Variants in SGCZ observed in about 807,000 individuals in gnomAD.
SGCZ encodes the protein zeta-sarcoglycan.
In SGCZ, 40 loss-of-function variants were observed where a neutral mutation model predicts 41.3. The ratio of observed to expected loss-of-function variants is 0.97; its 90% CI spans 0.75 to 1.26. SGCZ has a LOEUF of 1.26. SGCZ is among the 50% of genes most tolerant of loss of function. The pLI, the probability that SGCZ is intolerant of heterozygous loss-of-function variation, is 0.00. For missense variants in SGCZ, 552 were observed against 369.8 expected, an observed-to-expected ratio of 1.49 and a Z score of -4.04; for synonymous variants, 206 against 137.5, an observed-to-expected ratio of 1.50 and a Z score of -3.49.
At chr8:15,101,217 A>G (rs1806599097) in intron 1 of SGCZ, among the ~76,000 whole-genome samples, 1 of 152,244 alleles carries the variant, frequency 6.6e-6, no homozygotes, top group Non-Finnish European at 1.5e-5. Context: ...CACCAAATGT[A>G]TAATCCATGA....
intron 4 of SGCZ, among the ~76,000 whole-genome samples, chr8:14,227,107 C>A (rs1806399544): frequency 1.3e-5 from 2 of 152,040 alleles, no homozygotes; most frequent in Non-Finnish European, 2.9e-5. Flanking sequence ...GAGGTGGAAT[C>A]ATAAGGACCT....
At chr8:15,019,166 C>T (rs941984486) in intron 1 of SGCZ, among the ~76,000 whole-genome samples, 7 of 152,154 alleles carry the variant, frequency 4.6e-5, no homozygotes, top group African/African-American at 1.7e-4. Flanking sequence ...GAAACAGATC[C>T]AAACCATATC....
At chr8:14,924,898 C>A (rs1390653080) in intron 1 of SGCZ, among the ~76,000 whole-genome samples, 1 of 149,232 alleles carries the variant, frequency 6.7e-6, no homozygotes, top group East Asian at 2.0e-4. Context: ...CACTGTGTCA[C>A]CCAGGCTGGA....
At chr8:14,132,575 A>G (rs1227265874) in intron 5 of SGCZ, among the ~76,000 whole-genome samples, 1 of 152,062 alleles carries the variant, frequency 6.6e-6, no homozygotes, top group Non-Finnish European at 1.5e-5. Flanking sequence ...TATTTACTTC[A>G]TGTTCCTTAG....
At chr8:14,263,731 G>C (rs986429878) in intron 3 of SGCZ, among the ~76,000 whole-genome samples, 30 of 152,066 alleles carry the variant, frequency 2.0e-4, no homozygotes, top group African/African-American at 7.0e-4. Flanking sequence ...TACCAGGTGA[G>C]AGGTCAAAGT....
intron 1 of SGCZ, among the ~76,000 whole-genome samples, chr8:14,629,310 C>G (rs1420826332): frequency 6.6e-6 from 1 of 151,032 alleles, no homozygotes; most frequent in Admixed American, 6.6e-5. Flanking sequence ...TATAGGTGAT[C>G]TTTTTAAAAA....
intron 1 of SGCZ, among the ~76,000 whole-genome samples, chr8:14,862,425 G>A (rs1231131358): frequency 1.3e-5 from 2 of 151,392 alleles, no homozygotes; most frequent in Non-Finnish European, 2.9e-5. Flanking sequence ...GTCACCATAT[G>A]CATGGTATAA....
At chr8:15,165,714 G>A (rs184504529) in intron 1 of SGCZ, among the ~76,000 whole-genome samples, 1 of 152,294 alleles carries the variant, frequency 6.6e-6, no homozygotes, top group Admixed American at 6.5e-5. Flanking sequence ...GTTATAAGAA[G>A]GTATGGAAAT....
intron 2 of SGCZ, among the ~76,000 whole-genome samples, chr8:14,334,076 T>A (rs1448971198): frequency 1.3e-5 from 2 of 152,076 alleles, no homozygotes; most frequent in Admixed American, 1.3e-4. Flanking sequence ...AATATTTGTC[T>A]GTTACTATAA....
At chr8:15,074,689 G>A (rs1805467124) in intron 1 of SGCZ, among the ~76,000 whole-genome samples, 1 of 151,634 alleles carries the variant, frequency 6.6e-6, no homozygotes, top group Non-Finnish European at 1.5e-5. Context: ...GTTTCCTCCC[G>A]ACTCACGATT....
chr8:14,326,111 C>CAAAAAAAAAAAAAAA (rs56152915), intron 2 of SGCZ, among the ~76,000 whole-genome samples: 4,582 of 37,868 alleles, frequency 0.12, 2,001 homozygotes, highest in Middle Eastern at 0.17. Flanking sequence ...GACTCCGTCT[C>CAAAAAAAAAAAAAAA]AAAAAAAAAA....
At chr8:15,196,637 T>A (rs1376300318) in intron 1 of SGCZ, among the ~76,000 whole-genome samples, 1 of 151,928 alleles carries the variant, frequency 6.6e-6, no homozygotes, top group African/African-American at 2.4e-5. Context: ...TTTATTTATT[T>A]ATTTATTATT....
chr8:14,439,982 C>A (rs946617174), intron 2 of SGCZ, among the ~76,000 whole-genome samples: 4 of 150,878 alleles, frequency 2.7e-5, no homozygotes, highest in African/African-American at 9.7e-5. Flanking sequence ...ATATTAGGGA[C>A]AAAAAAAATT....
At chr8:14,963,872 C>G (rs908654504) in intron 1 of SGCZ, among the ~76,000 whole-genome samples, 1 of 152,148 alleles carries the variant, frequency 6.6e-6, no homozygotes, top group South Asian at 2.1e-4. Context: ...AAATTTATTT[C>G]TTTTCAGTGC....
intron 3 of SGCZ, among the ~76,000 whole-genome samples, chr8:14,273,004 G>A (rs1249044845): frequency 6.6e-6 from 1 of 151,852 alleles, no homozygotes; most frequent in East Asian, 1.9e-4. Context: ...TTACATTTAA[G>A]TAAAACAAAT....
chr8:14,116,321 G>A (rs1208026997), intron 5 of SGCZ, among the ~76,000 whole-genome samples: 1 of 152,014 alleles, frequency 6.6e-6, no homozygotes, highest in Non-Finnish European at 1.5e-5. Flanking sequence ...AGTGTCTCAT[G>A]AACCACAATT....
chr8:15,218,722 A>C (rs1191967376), intron 1 of SGCZ, among the ~76,000 whole-genome samples: 1 of 152,204 alleles, frequency 6.6e-6, no homozygotes, highest in African/African-American at 2.4e-5. Flanking sequence ...ACATATTAAC[A>C]ATAACTGAGT....
intron 1 of SGCZ, among the ~76,000 whole-genome samples, chr8:15,172,938 T>G (rs570619313): frequency 9.2e-5 from 14 of 152,340 alleles, no homozygotes; most frequent in African/African-American, 3.1e-4. Context: ...TAATACTAGT[T>G]AAATCCAAAG....
intron 1 of SGCZ, among the ~76,000 whole-genome samples, chr8:14,859,975 T>A (rs1215335283): frequency 6.6e-6 from 1 of 152,082 alleles, no homozygotes; most frequent in Non-Finnish European, 1.5e-5. Flanking sequence ...TTTTTAAAAG[T>A]CAAATTATGT....
Sources: gnomAD v4.1 joint callset for allele counts (sites outside exome capture counted in the v4.1 genomes callset) on GRCh38, gnomAD v4.1.1 for gene constraint, MANE v1.5 for transcripts, NCBI Gene and HGNC (gene_info 2026-07-23, HGNC 2026-07-21) for gene names.